The following PRELID2 variants were observed in gnomAD, a reference collection of about 807,000 sequenced individuals.
PRELID2 encodes PRELI domain-containing protein 2.
PRELID2 carries 25 observed loss-of-function variants against 28.4 expected under a neutral mutation model. The ratio of observed to expected loss-of-function variants is 0.88; its 90% CI spans 0.64 to 1.23. PRELID2 has a LOEUF of 1.23. Among genes scored for constraint, PRELID2 ranks in the 50% most tolerant of loss-of-function variants. The probability of loss-of-function intolerance (pLI) is 0.00; values close to 1 mark genes in which losing one functional copy is unlikely to be tolerated. For missense variants in PRELID2, 201 were observed against 214.4 expected (o/e 0.94, Z 0.39); for synonymous variants, 76 against 71.6 (o/e 1.06, Z -0.31).
chr5:145,333,358 A>G, the PRELID2 span, among the ~76,000 whole-genome samples: 57 of 152,288 alleles, frequency 3.7e-4, no homozygotes, highest in Middle Eastern at 3.4e-3. Context: ...AGTCTGTTGA[A>G]GGTGTGCCCA....
intron 1 of PRELID2, among the ~76,000 whole-genome samples, chr5:145,604,445 A>G (rs1753466915): frequency 6.6e-6 from 1 of 152,066 alleles, no homozygotes; most frequent in Non-Finnish European, 1.5e-5. Context: ...TATTTCATGG[A>G]GTATATATAC....
At chr5:145,330,452 CT>C in the PRELID2 span, among the ~76,000 whole-genome samples, 2 of 152,142 alleles carry the variant, frequency 1.3e-5, no homozygotes, top group African/African-American at 4.8e-5. Context: ...AATTTCAGAA[CT>C]TGTTATTGGT....
intron 1 of PRELID2, among the ~76,000 whole-genome samples, chr5:145,594,099 G>A (rs1045065615): frequency 2.6e-5 from 4 of 152,142 alleles, no homozygotes; most frequent in African/African-American, 7.2e-5. Context: ...ATATAGGAAA[G>A]ATGGGCTGTG....
chr5:145,705,697 A>T (rs1407367653), intron 1 of PRELID2, among the ~76,000 whole-genome samples: 1 of 152,208 alleles, frequency 6.6e-6, no homozygotes, highest in Non-Finnish European at 1.5e-5. Context: ...TACCTGTCAC[A>T]ACTAATCCAT....
At chr5:145,488,357 T>G (rs1250051707) in intron 1 of PRELID2, among the ~76,000 whole-genome samples, 1 of 152,132 alleles carries the variant, frequency 6.6e-6, no homozygotes, top group Non-Finnish European at 1.5e-5. Flanking sequence ...CTGGCAGTGT[T>G]GACTGCAAGG....
chr5:145,386,390 G>A, the PRELID2 span, among the ~76,000 whole-genome samples: 1 of 151,990 alleles, frequency 6.6e-6, no homozygotes, highest in South Asian at 2.1e-4. Context: ...TCATATCAGG[G>A]GCAGTTTCTC....
At chr5:145,672,053 A>C (rs1169263832) in intron 1 of PRELID2, among the ~76,000 whole-genome samples, 1 of 152,152 alleles carries the variant, frequency 6.6e-6, no homozygotes, top group Non-Finnish European at 1.5e-5. Flanking sequence ...TTAAATGTTC[A>C]CTTTTCTTTC....
intron 1 of PRELID2, among the ~76,000 whole-genome samples, chr5:145,510,310 A>G (rs893989257): frequency 1.3e-5 from 2 of 152,220 alleles, no homozygotes; most frequent in Non-Finnish European, 2.9e-5. Context: ...GACTCTTTAG[A>G]AATATATAGA....
the PRELID2 span, among the ~76,000 whole-genome samples, chr5:145,322,713 C>G: frequency 6.6e-6 from 1 of 152,114 alleles, no homozygotes; most frequent in Non-Finnish European, 1.5e-5. Flanking sequence ...ATAAAACTTA[C>G]ATGCTACTAG....
chr5:145,815,105 G>C (rs1171250413), intron 4 of PRELID2, among the ~76,000 whole-genome samples: 1 of 152,194 alleles, frequency 6.6e-6, no homozygotes, highest in Admixed American at 6.5e-5. Flanking sequence ...TCATGAGTTA[G>C]AGACTGCATT....
In PRELID2 at chr5:145,487,647, C is replaced by T. The variant is rs577814829; in HGVS notation, n.71-14332G>A. 3.9e-5 allele frequency among the ~76,000 whole-genome samples: 6 copies of T among 152,202 alleles called. No homozygotes were observed. In the East Asian group the frequency reaches 1.2e-3, roughly 29 times the overall value. On this transcript the variant is annotated intron_variant and non_coding_transcript_variant, in intron 1 of 2. Transcript: ENST00000510259. ...CTTCTAATTTCCCTTCACATCACAT[C>T]CTAGAACAGGAAACTCCCTTTGTCC...
intron 1 of PRELID2, among the ~76,000 whole-genome samples, chr5:145,718,309 AATAAAAT>A (rs1322570002): frequency 2.0e-5 from 3 of 151,956 alleles, no homozygotes; most frequent in African/African-American, 7.2e-5. Flanking sequence ...TATAATAAAA[AATAAAAT>A]AAGCAACAAA....
the PRELID2 span, among the ~76,000 whole-genome samples, chr5:145,336,312 CA>C: frequency 6.6e-6 from 1 of 151,358 alleles, no homozygotes; most frequent in Non-Finnish European, 1.5e-5. Context: ...CTTTTGTTGC[CA>C]TTGCTTTTGG....
chr5:145,795,644 C>A (rs938426325), intron 5 of PRELID2: 7 of 151,998 alleles, frequency 4.6e-5, no homozygotes, highest in Admixed American at 3.9e-4. Flanking sequence ...TGAGTAAAAT[C>A]TGGAAATAAA....
chr5:145,741,476 T>TA (rs1756742174), intron 1 of PRELID2, among the ~76,000 whole-genome samples: 2 of 5,730 alleles, frequency 3.5e-4, no homozygotes, highest in East Asian at 0.011. Flanking sequence ...ATAAACAAAA[T>TA]TTATTTATAA....
At chr5:145,229,782 A>G in the PRELID2 span, 4 of 755,438 alleles carry the variant, frequency 5.3e-6, no homozygotes, top group East Asian at 9.8e-5. Context: ...GCTGATATAC[A>G]CCAGTTTCTG....
At chr5:145,553,844 G>A in intron 1 of PRELID2, among the ~76,000 whole-genome samples, 1 of 152,272 alleles carries the variant, frequency 6.6e-6, no homozygotes, top group East Asian at 1.9e-4. Context: ...CAGGGAAACT[G>A]GAATATTACA....
At chr5:145,312,904 T>C in the PRELID2 span, among the ~76,000 whole-genome samples, 1 of 152,098 alleles carries the variant, frequency 6.6e-6, no homozygotes, top group South Asian at 2.1e-4. Flanking sequence ...CATATGATAG[T>C]TCTATTTTAT....
chr5:145,740,265 AATATATAT>A (rs70998029), intron 1 of PRELID2, among the ~76,000 whole-genome samples: 1,440 of 40,258 alleles, frequency 0.036, 48 homozygotes, highest in South Asian at 0.039. Context: ...GGATTTATCA[AATATATAT>A]ATATATATAT....
Sources: allele counts gnomAD v4.1 joint callset (sites outside exome capture counted in the v4.1 genomes callset), GRCh38; gene constraint gnomAD v4.1.1; transcripts MANE v1.5; gene names NCBI Gene and HGNC (gene_info 2026-07-23, HGNC 2026-07-21).